Variants in SATL1 observed in about 807,000 individuals in gnomAD.
SATL1 encodes spermidine/spermine N1-acetyl transferase like 1.
SATL1 carries 47 observed loss-of-function variants against 51.8 expected under a neutral mutation model. The ratio of observed to expected loss-of-function variants is 0.91; its 90% confidence interval spans 0.72 to 1.16. The LOEUF (loss-of-function observed/expected upper bound fraction) is 1.16, where lower values mean the gene tolerates loss of function less well. Among genes scored for constraint, SATL1 ranks in the 50% most tolerant of loss-of-function variants. The pLI, the probability that SATL1 is intolerant of heterozygous loss-of-function variation, is 0.00. For synonymous variants in SATL1, 176 were observed against 182.4 expected, an observed-to-expected ratio of 0.97 and a Z score of 0.28; for missense variants, 520 against 526.4, an observed-to-expected ratio of 0.99 and a Z score of 0.12.
At chrX:85,174,354 C>A (rs951242176) in intron 2 of SATL1, among the ~76,000 whole-genome samples, 2 of 107,487 alleles carry the variant, frequency 1.9e-5, no homozygotes, top group African/African-American at 6.8e-5. Flanking sequence ...TGGAGTCTCA[C>A]TCTTGTTGCC....
Position 85,108,410 on chromosome X carries a change from T to G in SATL1, c.559A>C (p.Asn187His), listed in dbSNP as rs768150416. 2.1e-5 allele frequency: 26 copies of G among 1,209,848 alleles called. No individual in the cohort carries two copies. The highest frequency in any genetic ancestry group is 2.7e-5 in the Non-Finnish European group (24 of 895,209). The change falls in exon 3 of 8, where the codon AAC (asparagine) becomes CAC (histidine). Residue 187 changes from asparagine (N) to histidine (H), a missense_variant. Around this residue, in one of 3 missense-constraint regions of SATL1, gnomAD observed 488 missense variants for 474.3 expected, o/e 1.03. Coordinates refer to ENST00000644105, the MANE Select transcript of SATL1 (RefSeq NM_001367857.2). ...TGCCACATGCCTGGTGGACTCATGTTTGGTTGCCTCAGGACTGGTTGGCTC... is the reference window on the plus strand; with the variant it reads ...TGCCACATGCCTGGTGGACTCATGTGTGGTTGCCTCAGGACTGGTTGGCTC... ...GLSQPVLRQPNMSPPGMWQPG... is the reference protein window; with the variant it reads ...GLSQPVLRQPHMSPPGMWQPG...
At chrX:85,203,556 C>T (rs1329239965) in intron 2 of SATL1, among the ~76,000 whole-genome samples, 1 of 110,390 alleles carries the variant, frequency 9.1e-6, no homozygotes, top group African/African-American at 3.3e-5. Flanking sequence ...AGCTAGACAG[C>T]TCTAGTGGGG....
chrX:85,204,184 C>T (rs1186829538), intron 2 of SATL1, among the ~76,000 whole-genome samples: 2 of 111,506 alleles, frequency 1.8e-5, no homozygotes, highest in Non-Finnish European at 3.8e-5. Context: ...CTTACTGCTT[C>T]CCTCAGTGGG....
chrX:85,196,537 G>A (rs1416141375), intron 2 of SATL1, among the ~76,000 whole-genome samples: 1 of 111,349 alleles, frequency 9.0e-6, no homozygotes, highest in African/African-American at 3.3e-5. Context: ...AAAAATGGAG[G>A]ATGTATACAT....
At chrX:85,121,962 G>T (rs183393003) in intron 2 of SATL1, among the ~76,000 whole-genome samples, 1 of 108,148 alleles carries the variant, frequency 9.2e-6, no homozygotes, top group Non-Finnish European at 1.9e-5. Context: ...TCAGAACATC[G>T]TGTTGTACAC....
intron 2 of SATL1, among the ~76,000 whole-genome samples, chrX:85,121,802 C>T (rs1219902843): frequency 9.2e-6 from 1 of 108,759 alleles, no homozygotes; most frequent in Non-Finnish European, 1.9e-5. Context: ...TAATGTACAG[C>T]ATACTAACTA....
rs771762868 is a variant in SATL1 at position 85,170,292 on chromosome X, A to G, written c.-313+53913T>C. On this transcript the variant is annotated intron_variant, in intron 2 of 7. Coordinates refer to ENST00000644105, the MANE Select transcript of SATL1 (RefSeq NM_001367857.2). The stretch of plus-strand genomic sequence containing the variant: ...TGAACTTAAAATAAAAGTTTAAACT[A>G]TAAGAAAAGTAACAAAAATATTTAG... 5.4e-5 allele frequency among the ~76,000 whole-genome samples: 6 copies of G among 111,948 alleles called. No individual in the cohort carries two copies. The South Asian group carries it at 2.2e-3, about 42-fold the overall frequency.
At position 85,133,550 on chromosome X, in the gene SATL1, G is replaced by T. The variant is rs950430762; in HGVS notation, c.-312-24270C>A. ...GCAGTGTCCTGATTTTCCCAGTACA[G>T]TCTGTCACAGCTTCCCTTGGCTAGG... On this transcript the variant is annotated intron_variant, in intron 2 of 7. Transcript: ENST00000644105. Among the ~76,000 whole-genome samples the T allele has an allele frequency of 2.7e-5, 3 of 112,374 alleles. No individual in the cohort carries two copies. In the East Asian group the frequency reaches 8.5e-4, roughly 32 times the overall value.
At chrX:85,149,216 G>T (rs1160185132) in intron 2 of SATL1, among the ~76,000 whole-genome samples, 1 of 111,536 alleles carries the variant, frequency 9.0e-6, no homozygotes, top group Non-Finnish European at 1.9e-5. Context: ...AAGAGACAAA[G>T]AAGGCCATTA....
At chrX:85,220,644 TAAAAAAAAAAAAAAAAAAAAAAAAAAAAA>T (rs57383092) in intron 2 of SATL1, among the ~76,000 whole-genome samples, 5 of 24,166 alleles carry the variant, frequency 2.1e-4, no homozygotes, top group East Asian at 1.8e-3. Context: ...ACTTCTGTGT[TAAAAAAAAAAAAAAAAAAAAAAAAAAAAA>T]AAAAAAAAAA....
At chrX:85,233,800 A>T (rs1928427715) in intron 1 of SATL1, among the ~76,000 whole-genome samples, 1 of 111,565 alleles carries the variant, frequency 9.0e-6, no homozygotes, top group Non-Finnish European at 1.9e-5. Flanking sequence ...CCTAGAAAAT[A>T]GCCTCAATAA....
chrX:85,169,423 GA>G lies in SATL1; in HGVS notation c.-313+54781del, dbSNP rs770577547. Among the ~76,000 whole-genome samples the G allele has an allele frequency of 2.8e-3, 296 of 107,088 alleles. 1 individual carries two copies. Among genetic ancestry groups the G allele is most frequent in the African/African-American group, 9.4e-3 (279 of 29,577 alleles). The allele number at this position is 107,088 out of a possible 115,157, so 93.0% of individuals were successfully genotyped here. On this transcript the variant is annotated intron_variant, in intron 2 of 7. Transcript: ENST00000644105. ...ATAAGGAACTTTAACAAATTTACAA[GA>G]AAAAAAAACAAGCAATCCCATTAAA...
At chrX:85,152,610 A>T (rs1337577469) in intron 2 of SATL1, among the ~76,000 whole-genome samples, 3 of 111,787 alleles carry the variant, frequency 2.7e-5, no homozygotes, top group Non-Finnish European at 5.7e-5. Context: ...AATGTGGCAC[A>T]TATACACCAT....
chrX:85,118,538 T>C (rs772113026), intron 2 of SATL1: 10 of 74,048 alleles, frequency 1.4e-4, no homozygotes, highest in East Asian at 8.4e-4. Flanking sequence ...CTCCAGAAGA[T>C]TGGAAGACAT....
At chrX:85,125,143 C>G in intron 2 of SATL1, among the ~76,000 whole-genome samples, 1 of 110,136 alleles carries the variant, frequency 9.1e-6, no homozygotes. Context: ...GAACTATAGG[C>G]AAGAAAAAGA....
intron 2 of SATL1, among the ~76,000 whole-genome samples, chrX:85,115,379 C>A (rs1925360202): frequency 8.9e-6 from 1 of 112,686 alleles, no homozygotes; most frequent in Non-Finnish European, 1.9e-5. Flanking sequence ...TGTGGCATAA[C>A]AGGAATGAAA....
chrX:85,194,118 T>A (rs1171956255), intron 2 of SATL1, among the ~76,000 whole-genome samples: 1 of 112,212 alleles, frequency 8.9e-6, no homozygotes, highest in Non-Finnish European at 1.9e-5. Context: ...ATGGTTGAAC[T>A]AATTTACACT....
At chrX:85,212,613 G>A (rs749568546) in intron 2 of SATL1, 88 of 111,276 alleles carry the variant, frequency 7.9e-4, no homozygotes, top group Non-Finnish European at 1.4e-3. Flanking sequence ...TTCATAACAC[G>A]TAACACTTTA....
At chrX:85,105,913 C>T (rs1011234638) in intron 3 of SATL1, among the ~76,000 whole-genome samples, 1 of 111,809 alleles carries the variant, frequency 8.9e-6, no homozygotes, top group African/African-American at 3.2e-5. Context: ...CAATAAACAT[C>T]TTATGTATTA....
Sources: allele counts gnomAD v4.1 joint callset (sites outside exome capture counted in the v4.1 genomes callset), GRCh38; gene constraint gnomAD v4.1.1; regional missense constraint gnomAD v4.1.1; transcripts MANE v1.5; gene names NCBI Gene and HGNC (gene_info 2026-07-23, HGNC 2026-07-21).